The following ZMYM4 variants were observed in gnomAD, a reference collection of about 807,000 sequenced individuals.
The protein encoded by ZMYM4 is zinc finger MYM-type protein 4.
A neutral mutation model predicts 183.2 loss-of-function variants in ZMYM4; 31 were observed. The observed-to-expected ratio is 0.17, with a 90% CI of 0.13 to 0.23. ZMYM4 has a LOEUF of 0.23. Among genes scored for constraint, ZMYM4 ranks in the 10% least tolerant of loss-of-function variants. The pLI, the probability that ZMYM4 is intolerant of heterozygous loss-of-function variation, is 1.00. For synonymous variants in ZMYM4, 592 were observed against 631.2 expected (o/e 0.94, Z 0.93); for missense variants, 1,273 against 1,840.3 (o/e 0.69, Z 5.64).
rs1367570149 is a variant in ZMYM4, at chr1:35,386,152, G to A, written c.1799G>A (p.Arg600His). 8 of 1,613,490 alleles carry A rather than the reference G, an allele frequency of 5.0e-6. No homozygotes were observed. The highest frequency in any genetic ancestry group is 2.2e-5 in the East Asian group (1 of 44,854). Residue 600 changes from arginine (R) to histidine (H), a missense_variant, in exon 11 of 30, where the codon CGC becomes CAC. Coordinates refer to ENST00000314607, the MANE Select transcript of ZMYM4 (RefSeq NM_005095.3). ...CTAGCCATGTCAGATGGAAGTATAC[G>A]CAACTTCTGCAGCTACAGCTGTGTG... ...YHLAMSDGSI[R>H]NFCSYSCVVA... is the part of the protein sequence containing the mutation.
intron 2 of ZMYM4, among the ~76,000 whole-genome samples, chr1:35,330,583 C>T (rs1642694912): frequency 6.6e-6 from 1 of 152,110 alleles, no homozygotes. Flanking sequence ...AATAGTAATC[C>T]TTTACCTGAG....
chr1:35,279,468 C>T (rs1424586180), intron 1 of ZMYM4, among the ~76,000 whole-genome samples: 1 of 152,218 alleles, frequency 6.6e-6, no homozygotes, highest in Non-Finnish European at 1.5e-5. Flanking sequence ...CTAGTATCTT[C>T]AGCATATGGT....
chr1:35,342,541 A>G (rs1055057442), intron 2 of ZMYM4, among the ~76,000 whole-genome samples: 2 of 152,108 alleles, frequency 1.3e-5, no homozygotes, highest in African/African-American at 4.8e-5. Context: ...CTGGTAACCA[A>G]TGGTGTTGAG....
chr1:35,327,255 A>G (rs980226252), intron 2 of ZMYM4, among the ~76,000 whole-genome samples: 1 of 152,204 alleles, frequency 6.6e-6, no homozygotes, highest in Non-Finnish European at 1.5e-5. Context: ...TCTTTTATAC[A>G]TGTGTAATTT....
chr1:35,298,564 A>G (rs970172728), intron 1 of ZMYM4, among the ~76,000 whole-genome samples: 2 of 152,150 alleles, frequency 1.3e-5, no homozygotes, highest in African/African-American at 4.8e-5. Flanking sequence ...CTTGTCAGGA[A>G]ACTACTCATG....
At chr1:35,415,314 T>A in intron 27 of ZMYM4, 152 bp from the exon 28 acceptor site, 1 of 1,017,652 alleles carries the variant, frequency 9.8e-7, no homozygotes, top group Non-Finnish European at 1.4e-6. Flanking sequence ...TTTTTCTTTG[T>A]GGTGCGTTTT....
chr1:35,416,223 A>G lies in ZMYM4; in HGVS notation c.4309+509A>G, dbSNP rs140701777. On this transcript the variant is annotated intron_variant, in intron 28 of 29. Coordinates refer to ENST00000314607, the MANE Select transcript of ZMYM4 (RefSeq NM_005095.3). ...CAGTGACAATTTTATTAGAAGGTTT[A>G]TTGTCTTGCATTTCAAAAACAGCCT... Among the ~76,000 whole-genome samples the G allele has an allele frequency of 1.2e-4, 19 of 152,320 alleles. 2 individuals are homozygous for G. The highest frequency in any genetic ancestry group is 4.1e-4 in the African/African-American group (17 of 41,576).
intron 2 of ZMYM4, among the ~76,000 whole-genome samples, chr1:35,331,263 G>A (rs1296652009): frequency 6.6e-6 from 1 of 152,148 alleles, no homozygotes; most frequent in African/African-American, 2.4e-5. Context: ...CATGGGTAGA[G>A]AATTGAGATG....
At chr1:35,269,109 G>T (rs549032510) in intron 1 of ZMYM4, 24 bp downstream of exon 1, 1 of 1,545,440 alleles carries the variant, frequency 6.5e-7, no homozygotes, top group East Asian at 2.5e-5. Context: ...GGCAGAACTC[G>T]GGCGGCGGGG....
At chr1:35,413,137 G>C (rs774302104) in intron 26 of ZMYM4, among the ~76,000 whole-genome samples, 1 of 151,710 alleles carries the variant, frequency 6.6e-6, no homozygotes, top group Admixed American at 6.6e-5. Context: ...CAAACTCCCA[G>C]GTTCAAACAA....
intron 1 of ZMYM4, among the ~76,000 whole-genome samples, chr1:35,280,126 CTTT>C (rs1366294331): frequency 1.0e-4 from 15 of 149,620 alleles, no homozygotes; most frequent in Admixed American, 3.5e-4. Flanking sequence ...TCTTTTCTTT[CTTT>C]GTCTCTCTCT....
At chr1:35,291,765 G>A (rs2148718036) in intron 1 of ZMYM4, among the ~76,000 whole-genome samples, 2 of 151,144 alleles carry the variant, frequency 1.3e-5, no homozygotes, top group South Asian at 4.2e-4. Flanking sequence ...AGTCTCCCAA[G>A]TAACTGGGAT....
Position 35,381,627 on chromosome 1 carries a change from A to T in ZMYM4, c.1438A>T (p.Asn480Tyr). The T allele has an allele frequency of 1.2e-6, 2 of 1,614,244 alleles. No individual in the cohort carries two copies. The highest frequency in any genetic ancestry group is 1.7e-6 in the Non-Finnish European group (2 of 1,180,042). Residue 480 changes from asparagine (N) to tyrosine (Y), a missense_variant, in exon 9 of 30, where the codon AAC becomes TAC. Asn to Tyr is a moderately radical substitution (Grantham distance 143, BLOSUM62 -2). Around this residue, in one of 6 missense-constraint regions of ZMYM4, gnomAD observed 319 missense variants for 518.1 expected, o/e 0.62. Coordinates refer to ENST00000314607, the MANE Select transcript of ZMYM4 (RefSeq NM_005095.3). ...ACFSKFRSAN[N>Y]LTMNCCENCG... The stretch of plus-strand genomic sequence containing the variant: ...CTTCTCTAAGTTTCGTTCTGCTAAC[A>T]ACCTCACCATGAACTGTTGTGAGAA...
intron 1 of ZMYM4, among the ~76,000 whole-genome samples, chr1:35,312,331 C>T (rs1347044778): frequency 6.6e-6 from 1 of 152,120 alleles, no homozygotes; most frequent in Non-Finnish European, 1.5e-5. Flanking sequence ...AGTCTTTCTC[C>T]TCTGCTTCTG....
chr1:35,368,284 A>G (rs563492649), intron 5 of ZMYM4, among the ~76,000 whole-genome samples: 42 of 152,310 alleles, frequency 2.8e-4, no homozygotes, highest in Admixed American at 1.4e-3. Context: ...GAGTAAATGA[A>G]TGTATTATTA....
intron 1 of ZMYM4, among the ~76,000 whole-genome samples, chr1:35,278,496 G>T (rs1237893003): frequency 6.7e-6 from 1 of 150,266 alleles, no homozygotes; most frequent in Non-Finnish European, 1.5e-5. Flanking sequence ...CAGAATCTTG[G>T]CTCACTGCAA....
At chr1:35,329,199 G>A (rs1398631127) in intron 2 of ZMYM4, among the ~76,000 whole-genome samples, 2 of 152,232 alleles carry the variant, frequency 1.3e-5, no homozygotes, top group Non-Finnish European at 2.9e-5. Context: ...AATATCTTCA[G>A]TGAAAGGGAT....
chr1:35,307,883 GC>G (rs747438585), intron 1 of ZMYM4, among the ~76,000 whole-genome samples: 77 of 151,784 alleles, frequency 5.1e-4, no homozygotes, highest in Non-Finnish European at 8.8e-4. Flanking sequence ...AGGCTGGAGT[GC>G]AATGGTGCAA....
chr1:35,281,963 C>T (rs968520652), intron 1 of ZMYM4, among the ~76,000 whole-genome samples: 2 of 152,156 alleles, frequency 1.3e-5, no homozygotes. Flanking sequence ...AAGGTTCATC[C>T]AGTTATAGTA....
Sources: allele counts gnomAD v4.1 joint callset (sites outside exome capture counted in the v4.1 genomes callset), GRCh38; gene constraint gnomAD v4.1.1; regional missense constraint gnomAD v4.1.1; transcripts MANE v1.5; gene names NCBI Gene and HGNC (gene_info 2026-07-23, HGNC 2026-07-21).